SHISAL1: variants seen among roughly 807,000 people sequenced by gnomAD.
SHISAL1 encodes protein shisa-like-1.
In SHISAL1, 9 loss-of-function variants were observed where a neutral mutation model predicts 22.6. The observed-to-expected ratio is 0.40, with a 90% CI of 0.24 to 0.70. The LOEUF is 0.70. Ranked by LOEUF, SHISAL1 falls within the 30% of genes least tolerant of loss-of-function variation. SHISAL1 has a pLI of 0.39. For missense variants in SHISAL1, 246 were observed against 270.6 expected (o/e 0.91, Z 0.64); for synonymous variants, 119 against 115.4 (o/e 1.03, Z -0.20).
the SHISAL1 span, among the ~76,000 whole-genome samples, chr22:44,320,717 G>A: frequency 1.3e-5 from 2 of 152,176 alleles, no homozygotes; most frequent in Non-Finnish European, 2.9e-5. Flanking sequence ...GCTGTCCGGG[G>A]CTCGACCCCT....
Position 44,248,576 on chromosome 22 carries a change from C to A in SHISAL1, c.*1109G>T, listed in dbSNP as rs191722496. Reference sequence around the variant, plus strand: ...TGCCTGGGTTTCCATGGCCTTGTTACCCTTTCCAGCAAAGATCCACGTGTC... The same window carrying A: ...TGCCTGGGTTTCCATGGCCTTGTTAACCTTTCCAGCAAAGATCCACGTGTC... On this transcript the variant is annotated 3_prime_UTR_variant, in exon 5 of 5. Transcript: ENST00000381176. 1.1e-4 allele frequency: 17 copies of A among 152,246 alleles called. No individual in the cohort carries two copies. The East Asian group carries it at 1.9e-3, about 17-fold the overall frequency. 9.4% of individuals were successfully genotyped at this position (152,246 alleles called of 1,614,324 possible). A position where few individuals can be genotyped will look rare whatever the true frequency, so the allele number is the denominator to read the frequency against.
Position 44,249,987 on chromosome 22 carries a change from T to G in SHISAL1, c.*-302A>C, listed in dbSNP as rs555533608. ...TTGTGGATAACTTACATAGAAAATTTAACAGAATCAACAGGTTAATTAGTA... is the reference window on the plus strand; with the variant it reads ...TTGTGGATAACTTACATAGAAAATTGAACAGAATCAACAGGTTAATTAGTA... On this transcript the variant is annotated intron_variant, in intron 4 of 4. Coordinates refer to ENST00000381176, the MANE Select transcript of SHISAL1 (RefSeq NM_001099294.2). Among the ~76,000 whole-genome samples, 3 of 152,308 alleles carry G rather than the reference T, an allele frequency of 2.0e-5. No individual in the cohort carries two copies. The South Asian group carries it at 6.2e-4, about 32-fold the overall frequency.
At chr22:44,277,750 C>T (rs1322906466) in intron 4 of SHISAL1, among the ~76,000 whole-genome samples, 2 of 152,234 alleles carry the variant, frequency 1.3e-5, no homozygotes, top group Admixed American at 1.3e-4. Flanking sequence ...GGAAGTGGAT[C>T]ACTGGGTTAT....
intron 3 of SHISAL1, among the ~76,000 whole-genome samples, chr22:44,287,023 A>G (rs539237915): frequency 3.5e-4 from 54 of 152,360 alleles, no homozygotes; most frequent in African/African-American, 1.3e-3. Flanking sequence ...GCTCTCGCCC[A>G]GACGGAGGTC....
At position 44,284,818 on chromosome 22, in the gene SHISAL1, AC is replaced by A. The variant is rs140415599; in HGVS notation, c.599+609del. ...TGGGCGGAAATGGGAATTGCAGTAG[AC>A]AAGCTCAGATCTGAACATAACCCTG... is the stretch of plus-strand genomic sequence containing the variant. On this transcript the variant is annotated intron_variant, in intron 4 of 4. Transcript: ENST00000381176. 8.4e-3 allele frequency among the ~76,000 whole-genome samples: 1,282 copies of A among 152,234 alleles called. 18 individuals are homozygous for A. Among genetic ancestry groups the A allele is most frequent in the African/African-American group, 0.029 (1,212 of 41,516 alleles).
intron 3 of SHISAL1, among the ~76,000 whole-genome samples, chr22:44,290,545 C>CAAAAAAA (rs1449806143): frequency 1.6e-5 from 2 of 123,484 alleles, no homozygotes; most frequent in African/African-American, 6.1e-5. Flanking sequence ...AAAAAAAAAA[C>CAAAAAAA]AAAAAACGGG....
chr22:44,254,277 C>T (rs959284644), intron 4 of SHISAL1, among the ~76,000 whole-genome samples: 11 of 151,518 alleles, frequency 7.3e-5, no homozygotes, highest in African/African-American at 2.7e-4. Context: ...CATACAGTAG[C>T]AATAAGTAAA....
chr22:44,264,708 G>A (rs2055149490), intron 4 of SHISAL1, among the ~76,000 whole-genome samples: 1 of 152,118 alleles, frequency 6.6e-6, no homozygotes, highest in Non-Finnish European at 1.5e-5. Flanking sequence ...CCTTGGGTGA[G>A]GTCCCCAACA....
intron 1 of SHISAL1, among the ~76,000 whole-genome samples, chr22:44,307,193 G>C (rs59700589): frequency 0.011 from 1,653 of 152,172 alleles, 31 homozygotes; most frequent in African/African-American, 0.038. Flanking sequence ...GCTGCTGACC[G>C]AGGCTGGCTC....
At chr22:44,327,238 G>A in the SHISAL1 span, among the ~76,000 whole-genome samples, 73 of 101,212 alleles carry the variant, frequency 7.2e-4, no homozygotes, top group Non-Finnish European at 1.1e-3. Context: ...AGTGGGGGGC[G>A]CGCACACACA....
chr22:44,265,477 C>T (rs191458053), intron 4 of SHISAL1, among the ~76,000 whole-genome samples: 2 of 152,248 alleles, frequency 1.3e-5, no homozygotes, highest in South Asian at 4.1e-4. Flanking sequence ...CTCTCCAGCA[C>T]AGCCTTGAGA....
intron 4 of SHISAL1, among the ~76,000 whole-genome samples, chr22:44,259,381 T>C (rs1277708209): frequency 2.0e-5 from 3 of 151,642 alleles, no homozygotes; most frequent in Non-Finnish European, 2.9e-5. Context: ...GAGGTTGCAG[T>C]GAGCCGATAT....
At chr22:44,267,125 AG>A (rs1465170806) in intron 4 of SHISAL1, among the ~76,000 whole-genome samples, 1 of 152,082 alleles carries the variant, frequency 6.6e-6, no homozygotes, top group Non-Finnish European at 1.5e-5. Context: ...CGACAGGCAG[AG>A]GGCAGGGCAC....
At position 44,300,916 on chromosome 22, in the gene SHISAL1, G is replaced by T; in HGVS notation, c.30C>A (p.Asn10Lys). The change falls in exon 2 of 5, where the codon AAC (asparagine) becomes AAA (lysine). Residue 10 changes from asparagine to lysine, a missense_variant. Around this residue, in one of 2 missense-constraint regions of SHISAL1, gnomAD observed 110 missense variants for 153.1 expected, o/e 0.72. Transcript: ENST00000381176. ...GCAATGAGAAGAGGACGGCGAGCAC[G>T]TTCAAGGACTGCTGGCCACAACTGG... MTSCGQQSL[N>K]VLAVLFSLLF... is the part of the protein sequence containing the mutation. 1 of 1,614,154 alleles carries T rather than the reference G, an allele frequency of 6.2e-7. No individual in the cohort carries two copies. Among genetic ancestry groups the T allele is most frequent in the Non-Finnish European group, 8.5e-7 (1 of 1,180,012 alleles).
At chr22:44,290,064 G>T (rs2055342425) in intron 3 of SHISAL1, among the ~76,000 whole-genome samples, 1 of 152,234 alleles carries the variant, frequency 6.6e-6, no homozygotes, top group Non-Finnish European at 1.5e-5. Context: ...AGATCCGTCA[G>T]CAGGAAGAGC....
At chr22:44,299,819 C>G (rs1045454736) in intron 2 of SHISAL1, among the ~76,000 whole-genome samples, 17 of 150,484 alleles carry the variant, frequency 1.1e-4, no homozygotes, top group Admixed American at 9.3e-4. Context: ...CAGACATAGA[C>G]AGAGACAGAG....
upstream of SHISAL1, among the ~76,000 whole-genome samples, chr22:44,314,861 G>A (rs2055547724): frequency 6.6e-6 from 1 of 152,210 alleles, no homozygotes; most frequent in African/African-American, 2.4e-5. Context: ...CAAATGCACT[G>A]CAGCCGCACA....
chr22:44,270,979 A>G (rs2055201920), intron 4 of SHISAL1, among the ~76,000 whole-genome samples: 1 of 152,148 alleles, frequency 6.6e-6, no homozygotes, highest in Non-Finnish European at 1.5e-5. Context: ...GGGGTAGGTG[A>G]AGGAGGCACA....
intron 4 of SHISAL1, among the ~76,000 whole-genome samples, chr22:44,265,312 G>T (rs80194217): frequency 0.016 from 2,403 of 152,172 alleles, 67 homozygotes; most frequent in African/African-American, 0.051. Flanking sequence ...ACCGGGCTCT[G>T]CACCTTGAAC....
Sources: allele counts gnomAD v4.1 joint callset (sites outside exome capture counted in the v4.1 genomes callset), GRCh38; gene constraint gnomAD v4.1.1; regional missense constraint gnomAD v4.1.1; transcripts MANE v1.5; gene names NCBI Gene and HGNC (gene_info 2026-07-23, HGNC 2026-07-21).